Variants in RRM2B observed in about 807,000 individuals in gnomAD.
The protein encoded by RRM2B is ribonucleoside-diphosphate reductase subunit M2 B.
A neutral mutation model predicts 45.9 loss-of-function variants in RRM2B; 20 were observed. The observed-to-expected ratio is 0.44, with a 90% CI of 0.31 to 0.63. RRM2B has a LOEUF of 0.63. RRM2B is among the 30% of genes least tolerant of loss of function. RRM2B has a pLI of 0.09. For missense variants in RRM2B, 320 were observed against 414.7 expected (o/e 0.77, Z 1.98); for synonymous variants, 124 against 132.3 (o/e 0.94, Z 0.43).
At chr8:102,225,310 T>TG (rs1210899255) in intron 3 of RRM2B, among the ~76,000 whole-genome samples, 11 of 145,872 alleles carry the variant, frequency 7.5e-5, no homozygotes, top group Admixed American at 6.4e-4. Context: ...CTTGGCTCAC[T>TG]GCAACCTCTG....
intron 1 of RRM2B, among the ~76,000 whole-genome samples, chr8:102,235,569 G>T (rs1374753428): frequency 2.0e-5 from 3 of 152,214 alleles, no homozygotes. Context: ...GGCCCGGCGT[G>T]GTGCCTCACG....
intron 1 of RRM2B, among the ~76,000 whole-genome samples, chr8:102,236,336 G>A (rs1811120511): frequency 6.6e-6 from 1 of 152,098 alleles, no homozygotes; most frequent in Non-Finnish European, 1.5e-5. Context: ...AAATAGTCAT[G>A]GAGAGTTTCT....
chr8:102,236,165 A>G (rs1390224385), intron 1 of RRM2B, among the ~76,000 whole-genome samples: 1 of 152,232 alleles, frequency 6.6e-6, no homozygotes, highest in Non-Finnish European at 1.5e-5. Flanking sequence ...AAGATAAATC[A>G]GACTAAGAGG....
rs201028777 is a variant in RRM2B at position 102,238,779 on chromosome 8, G to A, written c.48+48C>T. On this transcript the variant is annotated intron_variant, in intron 1 of 8. Coordinates refer to ENST00000251810, the MANE Select transcript of RRM2B (RefSeq NM_015713.5). ...GCGGTCCTGCAACTTGCAATCTAAC[G>A]GGCTGGCGTGACTGCGGTGAGGGGG... is the stretch of plus-strand genomic sequence containing the variant. 3,963 of 1,613,318 alleles carry A rather than the reference G, an allele frequency of 2.5e-3. 7 individuals are homozygous for A. Among genetic ancestry groups the A allele is most frequent in the Non-Finnish European group, 3.2e-3 (3,822 of 1,179,806 alleles).
rs2607656 is a variant in RRM2B at position 102,222,680 on chromosome 8, T to G, written c.550+1366A>C. ...ATAAAATATTCCTCCCTTTTCTAAC[T>G]ATAATACATATTTAAATGAGGCATA... On this transcript the variant is annotated intron_variant, in intron 5 of 8. Transcript: ENST00000251810. Among the ~76,000 whole-genome samples the G allele has an allele frequency of 2.2e-3, 341 of 152,342 alleles. 1 individual carries two copies. The highest frequency in any genetic ancestry group is 0.014 in the Middle Eastern group (4 of 294).
chr8:102,212,798 A>G lies in RRM2B; in HGVS notation c.881T>C (p.Leu294Pro). ...TACCTTTGAGAATCCAAGTTCCACA[A>G]GTAATCTGTCAGCTACAAACTCAAT... Reference protein sequence around the residue: ...QYIEFVADRLLVELGFSKVFQ... With the variant: ...QYIEFVADRLPVELGFSKVFQ... Residue 294 changes from leucine (L) to proline (P), a missense_variant, in exon 8 of 9, where the codon CTT (leucine) becomes CCT (proline). Leu to Pro is a moderately conservative substitution (Grantham distance 98). Transcript: ENST00000251810. The G allele has an allele frequency of 1.9e-6, 3 of 1,598,320 alleles. No individual in the cohort carries two copies. The highest frequency in any genetic ancestry group is 2.6e-6 in the Non-Finnish European group (3 of 1,165,870).
rs972045162 is a variant in RRM2B at position 102,207,143 on chromosome 8, G to A, written c.*990C>T. On this transcript the variant is annotated 3_prime_UTR_variant, in exon 9 of 9. Transcript: ENST00000251810. ...TAAGTATGTTGGGAATATGCAGGGC[G>A]AGATAAATTTATGTACCACTGAACT... 3.9e-5 allele frequency: 6 copies of A among 152,274 alleles called. No homozygotes were observed. The South Asian group carries it at 8.3e-4, about 21-fold the overall frequency. 9.4% of individuals were successfully genotyped at this position (152,274 alleles called of 1,614,324 possible). A position where few individuals can be genotyped will look rare whatever the true frequency, so the allele number is the denominator to read the frequency against.
At chr8:102,221,148 T>G (rs1312880892) in intron 5 of RRM2B, among the ~76,000 whole-genome samples, 1 of 152,224 alleles carries the variant, frequency 6.6e-6, no homozygotes, top group East Asian at 1.9e-4. Context: ...TTTTTAAAAA[T>G]CTATGCAGAT....
intron 6 of RRM2B, among the ~76,000 whole-genome samples, chr8:102,215,775 C>A (rs943325338): frequency 6.6e-6 from 1 of 151,688 alleles, no homozygotes; most frequent in Non-Finnish European, 1.5e-5. Flanking sequence ...TGAGACCCTG[C>A]GTCTACAAAA....
At chr8:102,233,928 C>T (rs1014403882) in intron 1 of RRM2B, among the ~76,000 whole-genome samples, 2 of 152,308 alleles carry the variant, frequency 1.3e-5, no homozygotes, top group African/African-American at 4.8e-5. Context: ...TCAAGCAATC[C>T]TCCTGTCTCA....
In RRM2B at chr8:102,225,046, C is replaced by G. The variant is rs531164063; in HGVS notation, c.322-28G>C. 7 of 1,611,780 alleles carry G rather than the reference C, an allele frequency of 4.3e-6. No individual in the cohort carries two copies. The African/African-American group carries it at 6.7e-5, about 15-fold the overall frequency. On this transcript the variant is annotated intron_variant, in intron 3 of 8. Coordinates refer to ENST00000251810, the MANE Select transcript of RRM2B (RefSeq NM_015713.5). ...AAGAAGATAAGGAAAATAGATATAT[C>G]CAGTTCTATAGGCTCTCATTAAACA...
intron 5 of RRM2B, 48 bp downstream of exon 5, chr8:102,223,998 C>G (rs758146820): frequency 1.5e-6 from 2 of 1,295,508 alleles, no homozygotes; most frequent in South Asian, 2.4e-5. Context: ...AAAATACTGT[C>G]ATATCACCTT....
chr8:102,225,704 G>A lies in RRM2B; in HGVS notation c.321+214C>T, dbSNP rs571535880. Reference sequence around the variant, plus strand: ...AAAATCAAACTCATGTTAATGCACTGTAAATAGTTTTGATTCATATCATTT... The same window carrying A: ...AAAATCAAACTCATGTTAATGCACTATAAATAGTTTTGATTCATATCATTT... On this transcript the variant is annotated intron_variant, in intron 3 of 8. Coordinates refer to ENST00000251810, the MANE Select transcript of RRM2B (RefSeq NM_015713.5). 2.6e-5 allele frequency among the ~76,000 whole-genome samples: 4 copies of A among 152,276 alleles called. No individual in the cohort carries two copies. The East Asian group carries it at 7.7e-4, about 29-fold the overall frequency.
chr8:102,222,668 C>G (rs1396676462), intron 5 of RRM2B, among the ~76,000 whole-genome samples: 1 of 152,164 alleles, frequency 6.6e-6, no homozygotes, highest in African/African-American at 2.4e-5. Context: ...AAATATTCCT[C>G]CCTTTTCTAA....
chr8:102,222,821 CT>C (rs28927368), intron 5 of RRM2B, among the ~76,000 whole-genome samples: 5,350 of 151,988 alleles, frequency 0.035, 163 homozygotes, highest in Admixed American at 0.086. Flanking sequence ...GCATGCTATT[CT>C]TTTTTTTGGA....
chr8:102,237,946 T>G (rs1811150612), intron 1 of RRM2B, among the ~76,000 whole-genome samples: 1 of 152,188 alleles, frequency 6.6e-6, no homozygotes, highest in African/African-American at 2.4e-5. Flanking sequence ...TTCACAGTAT[T>G]AAATCAAAGA....
chr8:102,218,919 T>C lies in RRM2B; in HGVS notation c.579A>G (p.Val193=), dbSNP rs771785642. 1 of 1,613,290 alleles carries C rather than the reference T, an allele frequency of 6.2e-7. No individual in the cohort carries two copies. Residue 193 remains valine (V), a synonymous_variant, in exon 6 of 9, where the codon GTA becomes GTG. Coordinates refer to ENST00000251810, the MANE Select transcript of RRM2B (RefSeq NM_015713.5). ...AAGATCCTGAGAAGAAAACTCCTTCTACAGCAGCAAAGGCCACCACTCTTT... is the reference window on the plus strand; with the variant it reads ...AAGATCCTGAGAAGAAAACTCCTTCCACAGCAGCAAAGGCCACCACTCTTT... ...FGERVVAFAA[V]EGVFFSGSFA... is the part of the protein sequence containing the mutation.
rs1007453555 is a variant in RRM2B at position 102,207,988 on chromosome 8, C to A, written c.*145G>T. On this transcript the variant is annotated 3_prime_UTR_variant, in exon 9 of 9. Coordinates refer to ENST00000251810, the MANE Select transcript of RRM2B (RefSeq NM_015713.5). The stretch of plus-strand genomic sequence containing the variant: ...GTTAAACAGGAAAATTATATAAATG[C>A]AAATTGTTTAGAATAGGTTTTGGAT... 10 of 643,888 alleles carry A rather than the reference C, an allele frequency of 1.6e-5. No individual in the cohort carries two copies. The highest frequency in any genetic ancestry group is 2.4e-5 in the Non-Finnish European group (9 of 369,214). 39.9% of individuals were successfully genotyped at this position (643,888 alleles called of 1,614,324 possible). A position where few individuals can be genotyped will look rare whatever the true frequency, so the allele number is the denominator to read the frequency against.
chr8:102,238,525 G>C, intron 1 of RRM2B: 1 of 1,454,910 alleles, frequency 6.9e-7, no homozygotes, highest in African/African-American at 1.4e-5. Context: ...GGGTGGGAGA[G>C]CGTGAGGCGG....
Sources: allele counts gnomAD v4.1 joint callset (sites outside exome capture counted in the v4.1 genomes callset), GRCh38; gene constraint gnomAD v4.1.1; transcripts MANE v1.5; gene names NCBI Gene and HGNC (gene_info 2026-07-23, HGNC 2026-07-21).